The following SLC39A11 variants were observed in gnomAD, a reference collection of about 807,000 sequenced individuals.
SLC39A11 encodes solute carrier family 39 member 11.
In SLC39A11, 33 loss-of-function variants were observed where a neutral mutation model predicts 36.1. The ratio of observed to expected loss-of-function variants is 0.91; its 90% confidence interval spans 0.69 to 1.22. SLC39A11 has a LOEUF of 1.22. SLC39A11 is among the 50% of genes most tolerant of loss of function. SLC39A11 has a pLI of 0.00. For synonymous variants in SLC39A11, 166 were observed against 170.3 expected (o/e 0.97, Z 0.20); for missense variants, 432 against 430.3 (o/e 1.00, Z -0.03).
chr17:72,888,154 G>A (rs1447398146), intron 5 of SLC39A11, among the ~76,000 whole-genome samples: 4 of 152,200 alleles, frequency 2.6e-5, no homozygotes, highest in South Asian at 4.1e-4. Flanking sequence ...ATATTAGGAC[G>A]AACATACTGT....
chr17:73,025,992 C>T (rs2058523073), intron 4 of SLC39A11, among the ~76,000 whole-genome samples: 1 of 151,208 alleles, frequency 6.6e-6, no homozygotes, highest in East Asian at 1.9e-4. Flanking sequence ...GTGGCAGGTG[C>T]CTGTAATCCC....
chr17:72,823,106 A>C (rs977553051), intron 6 of SLC39A11, among the ~76,000 whole-genome samples: 16 of 151,272 alleles, frequency 1.1e-4, no homozygotes, highest in African/African-American at 3.6e-4. Flanking sequence ...TGAGTCCAAA[A>C]GCGTTCAACT....
chr17:72,676,070 TCACACACA>T (rs3222866), intron 7 of SLC39A11, among the ~76,000 whole-genome samples: 7 of 129,924 alleles, frequency 5.4e-5, no homozygotes, highest in Non-Finnish European at 8.5e-5. Flanking sequence ...TCACAATGTT[TCACACACA>T]CACACACACA....
chr17:72,650,402 C>T (rs778584959), intron 7 of SLC39A11, among the ~76,000 whole-genome samples: 1 of 152,196 alleles, frequency 6.6e-6, no homozygotes, highest in Non-Finnish European at 1.5e-5. Flanking sequence ...ATGGAGACAA[C>T]ACAGGCATGT....
chr17:72,667,871 T>G (rs980423467), intron 7 of SLC39A11, among the ~76,000 whole-genome samples: 9 of 152,244 alleles, frequency 5.9e-5, no homozygotes, highest in Admixed American at 1.3e-4. Context: ...AAACTGAGGC[T>G]TACAGAAGTT....
chr17:73,084,815 G>T lies in SLC39A11; in HGVS notation c.140C>A (p.Ala47Asp), dbSNP rs1395285504. Residue 47 changes from alanine (A) to aspartate (D), a missense_variant, in exon 3 of 10, where the codon GCT (alanine) becomes GAT (aspartate). Physicochemically the swap from Ala to Asp is moderately radical, Grantham distance 126. Transcript: ENST00000255559. The part of the protein sequence containing the change: ...RRILDGSLGF[A>D]AGVMLAASYW... ...CTACTACATGCTACTTACCCCTGCA[G>T]CAAAGCCAAGACTTCCATCTAAGAT... is the stretch of plus-strand genomic sequence containing the variant. 1 of 1,613,956 alleles carries T rather than the reference G, an allele frequency of 6.2e-7. No individual in the cohort carries two copies. Among genetic ancestry groups the T allele is most frequent in the African/African-American group, 1.3e-5 (1 of 74,910 alleles).
intron 5 of SLC39A11, among the ~76,000 whole-genome samples, chr17:72,888,043 A>G (rs1436500332): frequency 6.6e-6 from 1 of 152,200 alleles, no homozygotes; most frequent in African/African-American, 2.4e-5. Context: ...AAACAACAAA[A>G]AGAAACACAC....
intron 4 of SLC39A11, among the ~76,000 whole-genome samples, chr17:73,003,856 C>T (rs192739344): frequency 4.6e-5 from 7 of 152,188 alleles, no homozygotes; most frequent in Admixed American, 2.0e-4. Flanking sequence ...GAGGCTGAAG[C>T]GGGTGGATCA....
chr17:73,086,557 C>T (rs2060735464), intron 2 of SLC39A11, among the ~76,000 whole-genome samples: 1 of 152,180 alleles, frequency 6.6e-6, no homozygotes, highest in African/African-American at 2.4e-5. Flanking sequence ...TGATGGTGCA[C>T]ACCTGTAATC....
intron 7 of SLC39A11, among the ~76,000 whole-genome samples, chr17:72,691,514 A>T (rs2072028345): frequency 6.6e-6 from 1 of 152,246 alleles, no homozygotes; most frequent in Non-Finnish European, 1.5e-5. Context: ...GAAATGTAAG[A>T]GTTGACGGTT....
chr17:72,769,717 G>A (rs1039998829), intron 6 of SLC39A11, among the ~76,000 whole-genome samples: 2 of 151,986 alleles, frequency 1.3e-5, no homozygotes, highest in African/African-American at 4.8e-5. Context: ...GCTAATTTTT[G>A]TATTTTTAGT....
rs141442358 is a variant in SLC39A11, at chr17:73,021,957, G to A, written c.306+9599C>T. 1.3e-3 allele frequency among the ~76,000 whole-genome samples: 191 copies of A among 152,354 alleles called. No individual in the cohort carries two copies. In the East Asian group the frequency reaches 0.018, roughly 14 times the overall value. On this transcript the variant is annotated intron_variant, in intron 4 of 9. Transcript: ENST00000255559. ...GCCCACGCAGTGCGTGTGTGTGTGC[G>A]CGCGTGTTCGTGCCAGACCCACGGG...
intron 5 of SLC39A11, among the ~76,000 whole-genome samples, chr17:72,909,597 G>A (rs193213934): frequency 3.9e-5 from 6 of 152,354 alleles, no homozygotes; most frequent in Admixed American, 3.9e-4. Context: ...TGTTAGGGAA[G>A]AGGATCCTCA....
chr17:72,889,585 T>C (rs934284444), intron 5 of SLC39A11, among the ~76,000 whole-genome samples: 1 of 152,156 alleles, frequency 6.6e-6, no homozygotes, highest in African/African-American at 2.4e-5. Context: ...TTATACATTC[T>C]GACATTTCAC....
chr17:72,776,550 G>A lies in SLC39A11; in HGVS notation c.602-39831C>T, dbSNP rs138271860. 4.6e-3 allele frequency among the ~76,000 whole-genome samples: 616 copies of A among 133,600 alleles called. 6 individuals carry two copies. Among genetic ancestry groups the A allele is most frequent in the Middle Eastern group, 0.023 (5 of 218 alleles). The allele number at this position is 133,600 out of a possible 152,430, so 87.6% of individuals were successfully genotyped here. On this transcript the variant is annotated intron_variant, in intron 6 of 9. Transcript: ENST00000255559. ...TAATTTGTCTTTTAAAATTGCTTTC[G>A]TTTCATATTGACTATTTTGTTTTTA...
chr17:72,750,818 C>G (rs2075127485), intron 6 of SLC39A11, among the ~76,000 whole-genome samples: 1 of 152,164 alleles, frequency 6.6e-6, no homozygotes, highest in Non-Finnish European at 1.5e-5. Context: ...CTTACACATC[C>G]CAGTTCAGCA....
chr17:72,762,251 T>A (rs1242630404), intron 6 of SLC39A11, among the ~76,000 whole-genome samples: 1 of 152,168 alleles, frequency 6.6e-6, no homozygotes, highest in African/African-American at 2.4e-5. Context: ...ACAAAACAGG[T>A]TGCAGTAAAG....
intron 6 of SLC39A11, among the ~76,000 whole-genome samples, chr17:72,748,528 A>G (rs550363883): frequency 6.6e-6 from 1 of 152,332 alleles, no homozygotes; most frequent in Admixed American, 6.5e-5. Context: ...GCTATTCTCC[A>G]GTCATGGCTG....
At chr17:72,857,378 TGTCACTGATAGGCATTTAG>T (rs1365031876) in intron 5 of SLC39A11, among the ~76,000 whole-genome samples, 1 of 152,246 alleles carries the variant, frequency 6.6e-6, no homozygotes, top group Admixed American at 6.5e-5. Flanking sequence ...TTATCCAACC[TGTCACTGATAGGCATTTAG>T]GTTGATTCCA....
Sources: gnomAD v4.1 joint callset for allele counts (sites outside exome capture counted in the v4.1 genomes callset) on GRCh38, gnomAD v4.1.1 for gene constraint, MANE v1.5 for transcripts, NCBI Gene and HGNC (gene_info 2026-07-23, HGNC 2026-07-21) for gene names.